The following TMED8 variants were observed in gnomAD, a reference collection of about 807,000 sequenced individuals.
TMED8 encodes the protein protein TMED8.
A neutral mutation model predicts 32.7 loss-of-function variants in TMED8; 15 were observed. The observed-to-expected ratio is 0.46, with a 90% CI of 0.31 to 0.71. TMED8 has a LOEUF of 0.71. TMED8 is among the 30% of genes least tolerant of loss of function. The pLI is 0.06. For synonymous variants in TMED8, 147 were observed against 161.4 expected, an observed-to-expected ratio of 0.91 and a Z score of 0.68; for missense variants, 390 against 423.9, an observed-to-expected ratio of 0.92 and a Z score of 0.70.
At chr14:77,346,501 T>A in intron 2 of TMED8, 23 bp from the exon 3 acceptor site, 1 of 1,613,834 alleles carries the variant, frequency 6.2e-7, no homozygotes, top group Non-Finnish European at 8.5e-7. Context: ...GAGAGCATGT[T>A]AATTCAAGGA....
At chr14:77,346,760 G>GTTTTTTTTTTTTTTTTTT in intron 2 of TMED8, among the ~76,000 whole-genome samples, 1 of 69,442 alleles carries the variant, frequency 1.4e-5, no homozygotes, top group East Asian at 6.7e-4. Context: ...TGCTGGTCTG[G>GTTTTTTTTTTTTTTTTTT]TTTTTTTTTT....
Position 77,372,940 on chromosome 14 carries a change from A to T in TMED8, c.118+3996T>A, listed in dbSNP as rs1262378655. Among the ~76,000 whole-genome samples the T allele has an allele frequency of 2.3e-3, 60 of 26,442 alleles. 4 individuals are homozygous for T. Among genetic ancestry groups the T allele is most frequent in the African/African-American group, 9.4e-3 (30 of 3,180 alleles). The allele number at this position is 26,442 out of a possible 152,430, so 17.3% of individuals were successfully genotyped here. ...TATATATATATATATATATATATAT[A>T]TATATATATATATTTTTTTTTTTTT... On this transcript the variant is annotated intron_variant, in intron 1 of 5. Transcript: ENST00000216468.
chr14:77,350,243 C>A (rs1317982859), intron 2 of TMED8, among the ~76,000 whole-genome samples: 3 of 152,074 alleles, frequency 2.0e-5, no homozygotes, highest in African/African-American at 7.2e-5. Flanking sequence ...CGTGAAAGCA[C>A]AACTTACAGT....
At chr14:77,353,142 ATGCTACTTAGTTT>A (rs1272479243) in intron 1 of TMED8, among the ~76,000 whole-genome samples, 14 of 152,338 alleles carry the variant, frequency 9.2e-5, no homozygotes, top group South Asian at 8.3e-4. Context: ...TAACCATCAG[ATGCTACTTAGTTT>A]TGTGGGTTAT....
Position 77,377,021 on chromosome 14 carries a change from G to C in TMED8, c.33C>G (p.Gly11=), listed in dbSNP as rs763128572. MSDLQAAEGP[G]SWSPTARPGS... ...CTGGGCGGGCTGTGGGGCTCCAGGA[G>C]CCCGGCCCCTCAGCCGCCTGCAGGT... Residue 11 remains glycine (G), a synonymous_variant, in exon 1 of 6, where the codon GGC becomes GGG. Coordinates refer to ENST00000216468, the MANE Select transcript of TMED8 (RefSeq NM_213601.3). The C allele has an allele frequency of 1.4e-6, 2 of 1,397,184 alleles. No homozygotes were observed. Among genetic ancestry groups the C allele is most frequent in the South Asian group, 1.6e-5 (1 of 63,030 alleles). The allele number at this position is 1,397,184 out of a possible 1,614,324, so 86.5% of individuals were successfully genotyped here. A position where few individuals can be genotyped will look rare whatever the true frequency, so the allele number is the denominator to read the frequency against.
At chr14:77,357,173 T>C (rs984078868) in intron 1 of TMED8, among the ~76,000 whole-genome samples, 1 of 152,166 alleles carries the variant, frequency 6.6e-6, no homozygotes, top group Non-Finnish European at 1.5e-5. Context: ...GAGGCTTGAC[T>C]CAATTCAGGT....
chr14:77,345,054 C>T (rs1199021011), intron 3 of TMED8, among the ~76,000 whole-genome samples: 1 of 152,214 alleles, frequency 6.6e-6, no homozygotes, highest in Admixed American at 6.5e-5. Flanking sequence ...ATGGCACGAT[C>T]TCAGCTCACT....
intron 1 of TMED8, among the ~76,000 whole-genome samples, chr14:77,367,939 C>T (rs1893593012): frequency 6.6e-6 from 1 of 152,244 alleles, no homozygotes; most frequent in African/African-American, 2.4e-5. Context: ...GGTGATCCGC[C>T]TTCCTCAGCC....
chr14:77,344,423 ACAATTTCACCTTAGAC>A (rs979157271), intron 3 of TMED8, among the ~76,000 whole-genome samples: 4 of 152,264 alleles, frequency 2.6e-5, no homozygotes, highest in Admixed American at 1.3e-4. Context: ...ATCAATAGTT[ACAATTTCACCTTAGAC>A]CAGCCCCAGG....
At chr14:77,374,681 G>A (rs533647659) in intron 1 of TMED8, among the ~76,000 whole-genome samples, 14 of 152,228 alleles carry the variant, frequency 9.2e-5, no homozygotes, top group South Asian at 2.1e-4. Context: ...AAATATTTGC[G>A]AAACCTCTAA....
At position 77,376,831 on chromosome 14, in the gene TMED8, C is replaced by T. The variant is rs1893829613; in HGVS notation, c.118+105G>A. 3.0e-6 allele frequency: 2 copies of T among 668,228 alleles called. No individual in the cohort carries two copies. Among genetic ancestry groups the T allele is most frequent in the Non-Finnish European group, 4.2e-6 (2 of 471,444 alleles). 41.4% of individuals were successfully genotyped at this position (668,228 alleles called of 1,614,324 possible). A position where few individuals can be genotyped will look rare whatever the true frequency, so the allele number is the denominator to read the frequency against. On this transcript the variant is annotated intron_variant, in intron 1 of 5. Transcript: ENST00000216468. This position sits in a 1 kb window ranked among gnomAD's most constrained non-coding sequence, Gnocchi z 4.0. Reference sequence around the variant, plus strand: ...CGCGAAGGGGCTGCCGAGGTGGGTCCGCTCCGCGGGGAAGCCCAGGACAGA... The same window carrying T: ...CGCGAAGGGGCTGCCGAGGTGGGTCTGCTCCGCGGGGAAGCCCAGGACAGA...
chr14:77,341,460 C>A lies in TMED8; in HGVS notation c.*311G>T. On this transcript the variant is annotated 3_prime_UTR_variant, in exon 6 of 6. Transcript: ENST00000216468. ...ATGATAAACCTGTGCCAAGATGAAT[C>A]TATTTTTAAAAAACATCGCCCTGCT... 2.7e-6 allele frequency: 1 copy of A among 373,724 alleles called. No individual in the cohort carries two copies. Among genetic ancestry groups the A allele is most frequent in the East Asian group, 6.0e-5 (1 of 16,608 alleles). The allele number at this position is 373,724 out of a possible 1,614,324, so 23.2% of individuals were successfully genotyped here.
chr14:77,376,237 T>C lies in TMED8; in HGVS notation c.118+699A>G, dbSNP rs1333139873. ...GTTAGTAGAAATGGAGACGTCGTCC[T>C]GGACAAGAAGAGGATGAGGGTCTTG... On this transcript the variant is annotated intron_variant, in intron 1 of 5. Transcript: ENST00000216468. This position sits in a 1 kb window ranked among gnomAD's most constrained non-coding sequence, Gnocchi z 4.0. Among the ~76,000 whole-genome samples, 1 of 152,216 alleles carries C rather than the reference T, an allele frequency of 6.6e-6. No individual in the cohort carries two copies. The highest frequency in any genetic ancestry group is 1.5e-5 in the Non-Finnish European group (1 of 68,026).
intron 2 of TMED8, among the ~76,000 whole-genome samples, chr14:77,351,076 T>C (rs72681265): frequency 0.018 from 2,718 of 152,274 alleles, 47 homozygotes; most frequent in Middle Eastern, 0.078. Context: ...CTAGAAAAGA[T>C]AGAAAGTTGT....
chr14:77,360,300 T>A (rs1313899979), intron 1 of TMED8, among the ~76,000 whole-genome samples: 1 of 152,082 alleles, frequency 6.6e-6, no homozygotes, highest in African/African-American at 2.4e-5. Flanking sequence ...ATCCTATGTA[T>A]CTCTACTTTG....
intron 5 of TMED8, among the ~76,000 whole-genome samples, 189 bp downstream of exon 5, chr14:77,342,989 C>T (rs1594838632): frequency 6.6e-6 from 1 of 152,296 alleles, no homozygotes; most frequent in East Asian, 1.9e-4. Flanking sequence ...AAGAGGCTTT[C>T]TTTCAATTAA....
Position 77,340,190 on chromosome 14 carries a change from C to G in TMED8, c.*1581G>C, listed in dbSNP as rs1346114852. The G allele has an allele frequency of 6.6e-6, 1 of 152,114 alleles. No individual in the cohort carries two copies. Among genetic ancestry groups the G allele is most frequent in the Non-Finnish European group, 1.5e-5 (1 of 68,040 alleles). The allele number at this position is 152,114 out of a possible 1,614,324, so 9.4% of individuals were successfully genotyped here. On this transcript the variant is annotated 3_prime_UTR_variant, in exon 6 of 6. Coordinates refer to ENST00000216468, the MANE Select transcript of TMED8 (RefSeq NM_213601.3). ...CAAACATGGAGTAAGGTGGCATCAT[C>G]CATCTCTGAAGGGCCATACTCCTCG...
chr14:77,346,855 G>A (rs920325940), intron 2 of TMED8, among the ~76,000 whole-genome samples: 9 of 142,692 alleles, frequency 6.3e-5, no homozygotes, highest in African/African-American at 2.1e-4. Context: ...ACAATGTGCT[G>A]TTTTGATATA....
chr14:77,337,628 T>C lies in TMED8; in HGVS notation c.*4143A>G, dbSNP rs941220755. ...CTGGTCTCGAACTCCTGGCCTAAGG[T>C]GGTCTGCCCACCTTGGCCTCCCAAA... On this transcript the variant is annotated 3_prime_UTR_variant, in exon 6 of 6. Transcript: ENST00000216468. 1 of 152,140 alleles carries C rather than the reference T, an allele frequency of 6.6e-6. No individual in the cohort carries two copies. 9.4% of individuals were successfully genotyped at this position (152,140 alleles called of 1,614,324 possible).
Sources: allele counts gnomAD v4.1 joint callset (sites outside exome capture counted in the v4.1 genomes callset), GRCh38; gene constraint gnomAD v4.1.1; non-coding constraint Gnocchi (gnomAD v3.1); transcripts MANE v1.5; gene names NCBI Gene and HGNC (gene_info 2026-07-23, HGNC 2026-07-21).